CIMIP6: variants seen among roughly 807,000 people sequenced by gnomAD.
The protein encoded by CIMIP6 is ciliary microtubule inner protein 6, also known as uncharacterized protein C2orf73.
the CIMIP6 span, among the ~76,000 whole-genome samples, chr2:54,333,757 G>T: frequency 6.6e-6 from 1 of 152,084 alleles, no homozygotes; most frequent in African/African-American, 2.4e-5. Context: ...GCCGGGCGTG[G>T]TGGTGCGCGC....
At chr2:54,331,856 C>G in the CIMIP6 span, among the ~76,000 whole-genome samples, 9 of 152,254 alleles carry the variant, frequency 5.9e-5, no homozygotes, top group Non-Finnish European at 1.2e-4. Context: ...TATTTTTGTC[C>G]CTGGAACAAT....
the CIMIP6 span, among the ~76,000 whole-genome samples, chr2:54,371,801 G>A: frequency 2.6e-5 from 4 of 152,208 alleles, no homozygotes. Flanking sequence ...TGTTTGGGGA[G>A]CAGCTGCGCA....
At chr2:54,362,421 T>A in the CIMIP6 span, among the ~76,000 whole-genome samples, 1 of 152,236 alleles carries the variant, frequency 6.6e-6, no homozygotes, top group Non-Finnish European at 1.5e-5. Context: ...TAGAAAATTT[T>A]ATTATGTTGC....
At chr2:54,375,464 A>G in the CIMIP6 span, among the ~76,000 whole-genome samples, 1 of 152,224 alleles carries the variant, frequency 6.6e-6, no homozygotes, top group Non-Finnish European at 1.5e-5. Flanking sequence ...GATTGTTTAT[A>G]TACAATGTTG....
chr2:54,354,321 T>C, the CIMIP6 span, among the ~76,000 whole-genome samples: 1 of 152,170 alleles, frequency 6.6e-6, no homozygotes, highest in African/African-American at 2.4e-5. Flanking sequence ...AGCTGATTTA[T>C]GGGATTTATT....
the CIMIP6 span, among the ~76,000 whole-genome samples, chr2:54,368,959 C>T: frequency 6.6e-6 from 1 of 152,084 alleles, no homozygotes; most frequent in African/African-American, 2.4e-5. Flanking sequence ...ATAATGTATA[C>T]AAGAGCTCTG....
the CIMIP6 span, among the ~76,000 whole-genome samples, chr2:54,372,958 A>G: frequency 2.0e-5 from 3 of 152,124 alleles, no homozygotes; most frequent in South Asian, 2.1e-4. Flanking sequence ...TAGGTCACCA[A>G]TGGGTCCCTC....
At chr2:54,357,868 G>A in the CIMIP6 span, among the ~76,000 whole-genome samples, 2 of 151,652 alleles carry the variant, frequency 1.3e-5, no homozygotes, top group Non-Finnish European at 2.9e-5. Flanking sequence ...TACAGGCGTG[G>A]GCTACTGCGC....
At chr2:54,359,689 G>C in the CIMIP6 span, among the ~76,000 whole-genome samples, 113 of 152,080 alleles carry the variant, frequency 7.4e-4, no homozygotes, top group African/African-American at 2.3e-3. Context: ...GTGGCAGGGA[G>C]ATGCATGTAA....
At chr2:54,376,742 T>G in the CIMIP6 span, among the ~76,000 whole-genome samples, 4 of 152,206 alleles carry the variant, frequency 2.6e-5, no homozygotes, top group East Asian at 5.8e-4. Context: ...CTGCTGTGAA[T>G]GGTGTTCACA....
At chr2:54,360,244 T>G in the CIMIP6 span, 1 of 1,607,340 alleles carries the variant, frequency 6.2e-7, no homozygotes, top group Non-Finnish European at 8.5e-7. Flanking sequence ...AACCAGGCAG[T>G]AGGCCAACAG....
At chr2:54,339,261 C>A in the CIMIP6 span, among the ~76,000 whole-genome samples, 1 of 75,050 alleles carries the variant, frequency 1.3e-5, no homozygotes, top group Non-Finnish European at 3.5e-5. Flanking sequence ...AGAGCACTGA[C>A]CCTTGCCTAC....
At chr2:54,360,779 T>C in the CIMIP6 span, 5 of 465,434 alleles carry the variant, frequency 1.1e-5, no homozygotes, top group Non-Finnish European at 1.8e-5. Flanking sequence ...TATGTCACAT[T>C]CTTTATGAAC....
the CIMIP6 span, among the ~76,000 whole-genome samples, chr2:54,381,689 C>T: frequency 6.6e-6 from 1 of 152,228 alleles, no homozygotes; most frequent in Admixed American, 6.5e-5. Flanking sequence ...ATTCAGCCTT[C>T]CTCATCCTTT....
the CIMIP6 span, among the ~76,000 whole-genome samples, chr2:54,344,981 G>T: frequency 6.6e-6 from 1 of 152,054 alleles, no homozygotes; most frequent in Non-Finnish European, 1.5e-5. Context: ...GCACTTTATG[G>T]AACTTTCTAA....
chr2:54,383,590 G>A, the CIMIP6 span: 1 of 152,070 alleles, frequency 6.6e-6, no homozygotes, highest in East Asian at 1.9e-4. Context: ...AGTAGATAGT[G>A]CTAATTCTAT....
the CIMIP6 span, among the ~76,000 whole-genome samples, chr2:54,374,550 G>A: frequency 6.6e-6 from 1 of 152,142 alleles, no homozygotes; most frequent in Non-Finnish European, 1.5e-5. Flanking sequence ...CAAATTAACA[G>A]GATAGTTTGA....
the CIMIP6 span, among the ~76,000 whole-genome samples, chr2:54,361,872 T>G: frequency 6.6e-6 from 1 of 152,132 alleles, no homozygotes; most frequent in African/African-American, 2.4e-5. Flanking sequence ...GATGGAAACT[T>G]ATGTCCTCCA....
At chr2:54,359,644 T>C in the CIMIP6 span, among the ~76,000 whole-genome samples, 2 of 151,608 alleles carry the variant, frequency 1.3e-5, no homozygotes, top group Non-Finnish European at 2.9e-5. Context: ...ATCAAAGCAG[T>C]TTGACAAATG....
Sources: gnomAD v4.1 joint callset for allele counts (sites outside exome capture counted in the v4.1 genomes callset) on GRCh38, gnomAD v4.1.1 for gene constraint, MANE v1.5 for transcripts, NCBI Gene and HGNC (gene_info 2026-07-23, HGNC 2026-07-21) for gene names.